PKHD1: variants seen among roughly 807,000 people sequenced by gnomAD.
The protein encoded by PKHD1 is PKHD1 ciliary IPT domain containing fibrocystin/polyductin, also known as fibrocystin.
Under a neutral mutation model 412.0 loss-of-function variants are expected in PKHD1, and 291 were observed. The ratio of observed to expected loss-of-function variants is 0.71; its 90% CI spans 0.64 to 0.78. The LOEUF (loss-of-function observed/expected upper bound fraction) is 0.78, where lower values mean the gene tolerates loss of function less well. Ranked by LOEUF, PKHD1 falls within the 30% of genes least tolerant of loss-of-function variation. The pLI is 0.00. For missense variants in PKHD1, 4,825 were observed against 4,950.7 expected (o/e 0.97, Z 0.76); for synonymous variants, 1,777 against 1,821.5 (o/e 0.98, Z 0.62).
chr6:51,816,888 T>A (rs1272875409), intron 52 of PKHD1, among the ~76,000 whole-genome samples: 1 of 152,226 alleles, frequency 6.6e-6, no homozygotes, highest in Non-Finnish European at 1.5e-5. Context: ...ATTTAATTTG[T>A]CTTAAGGTTT....
rs1326710528 is a variant in PKHD1 at position 51,747,889 on chromosome 6, T to C, written c.9727A>G (p.Ile3243Val). Residue 3243 changes from isoleucine (I) to valine (V), a missense_variant, in exon 58 of 67, where the codon ATT becomes GTT. Transcript: ENST00000371117. ...TCTGAGGTGAATACAGGCCACAGAA[T>C]ACCAATTCGACCTCCTCTTGGATTG... Reference protein sequence around the residue: ...PSNPRGGRIGILWPVFTSEPN... With the variant: ...PSNPRGGRIGVLWPVFTSEPN... 2 of 1,613,910 alleles carry C rather than the reference T, an allele frequency of 1.2e-6. No individual in the cohort carries two copies. Among genetic ancestry groups the C allele is most frequent in the Non-Finnish European group, 1.7e-6 (2 of 1,179,848 alleles).
intron 29 of PKHD1, 44 bp downstream of exon 29, chr6:52,032,986 A>G (rs375655552): frequency 1.3e-6 from 2 of 1,555,388 alleles, no homozygotes; most frequent in African/African-American, 2.7e-5. Context: ...TTATAGGACC[A>G]ATGCTCTAAG....
At chr6:52,039,987 T>C (rs1007859105) in intron 27 of PKHD1, among the ~76,000 whole-genome samples, 11 of 152,184 alleles carry the variant, frequency 7.2e-5, no homozygotes, top group Non-Finnish European at 1.3e-4. Flanking sequence ...TCATGCCAAG[T>C]AGAGAAGCCA....
At chr6:51,709,814 T>A in intron 60 of PKHD1, among the ~76,000 whole-genome samples, 1 of 151,958 alleles carries the variant, frequency 6.6e-6, no homozygotes. Context: ...ACACAGTAAG[T>A]TTTTTTGTGT....
Position 51,943,052 on chromosome 6 carries a change from C to A in PKHD1, c.5909-8730G>T, listed in dbSNP as rs141908326. On this transcript the variant is annotated intron_variant, in intron 36 of 66. Transcript: ENST00000371117. ...CAGGGTCTAAGAAGGCCACCACGGT[C>A]ATTTCTTCCCTTCTGTCAGACATAA... 9.9e-3 allele frequency among the ~76,000 whole-genome samples: 1,501 copies of A among 151,658 alleles called. 40 individuals carry two copies. The highest frequency in any genetic ancestry group is 0.034 in the African/African-American group (1,419 of 41,484).
chr6:51,770,741 C>G (rs1320207738), intron 55 of PKHD1, among the ~76,000 whole-genome samples: 1 of 151,594 alleles, frequency 6.6e-6, no homozygotes, highest in Non-Finnish European at 1.5e-5. Flanking sequence ...AACAAATTAA[C>G]TCATATTTAC....
At chr6:51,677,576 C>T (rs144963006) in intron 60 of PKHD1, among the ~76,000 whole-genome samples, 45 of 152,202 alleles carry the variant, frequency 3.0e-4, no homozygotes, top group African/African-American at 1.0e-3. Flanking sequence ...TCCATGAGGA[C>T]GCACTTCCAA....
At chr6:51,992,516 T>C (rs985515070) in intron 35 of PKHD1, among the ~76,000 whole-genome samples, 2 of 152,228 alleles carry the variant, frequency 1.3e-5, no homozygotes, top group African/African-American at 4.8e-5. Context: ...AGTATGAAGA[T>C]GAGTTTAAAC....
chr6:52,051,642 A>C (rs1806861995), intron 21 of PKHD1, among the ~76,000 whole-genome samples: 2 of 152,150 alleles, frequency 1.3e-5, no homozygotes, highest in Admixed American at 6.5e-5. Flanking sequence ...CAGTAAGAAA[A>C]AGTTCTGAAT....
chr6:51,990,236 T>C (rs1375345431), intron 35 of PKHD1, among the ~76,000 whole-genome samples: 1 of 151,996 alleles, frequency 6.6e-6, no homozygotes, highest in Non-Finnish European at 1.5e-5. Context: ...CTAGGGCTGA[T>C]AGTGGCATCA....
At chr6:51,802,074 C>T (rs1229252200) in intron 52 of PKHD1, among the ~76,000 whole-genome samples, 1 of 152,048 alleles carries the variant, frequency 6.6e-6, no homozygotes, top group African/African-American at 2.4e-5. Context: ...AGAATCTGTG[C>T]CTTCTCTCAT....
intron 22 of PKHD1, 85 bp downstream of exon 22, chr6:52,050,072 T>C: frequency 7.5e-7 from 1 of 1,329,814 alleles, no homozygotes; most frequent in Non-Finnish European, 1.1e-6. Context: ...CAGGTAGCTT[T>C]TCCTGAAAAA....
chr6:51,998,650 A>T (rs1250616846), intron 35 of PKHD1, among the ~76,000 whole-genome samples: 2 of 151,810 alleles, frequency 1.3e-5, no homozygotes, highest in African/African-American at 4.8e-5. Flanking sequence ...CCTGTTGTTT[A>T]TTTGTTTGTT....
At chr6:51,677,090 C>G (rs937672045) in intron 60 of PKHD1, among the ~76,000 whole-genome samples, 4 of 152,092 alleles carry the variant, frequency 2.6e-5, no homozygotes, top group Non-Finnish European at 5.9e-5. Context: ...TGCACATATA[C>G]ACACTGATAG....
At chr6:51,839,392 A>C (rs1010760391) in intron 50 of PKHD1, among the ~76,000 whole-genome samples, 1 of 152,204 alleles carries the variant, frequency 6.6e-6, no homozygotes, top group Non-Finnish European at 1.5e-5. Flanking sequence ...AGAAGATCTG[A>C]TGCTCAAAAA....
rs55992586 is a variant in PKHD1 at position 52,059,259 on chromosome 6, C to CTTTTTTTTTTTTTTTTTTT, written c.1233+650_1234-659dup. ...CTTTCTTTTTTTTCTTTTTCTTTTTCTTTTTTTTTTTTTTTTTTTTTTTTG... is the reference window on the plus strand; with the variant it reads ...CTTTCTTTTTTTTCTTTTTCTTTTTCTTTTTTTTTTTTTTTTTTTTTTTTTTTTTTTTTTTTTTTTTTTG... On this transcript the variant is annotated intron_variant, in intron 15 of 66. Transcript: ENST00000371117. Among the ~76,000 whole-genome samples the CTTTTTTTTTTTTTTTTTTT allele has an allele frequency of 7.1e-4, 59 of 83,514 alleles. 1 individual carries two copies. The highest frequency in any genetic ancestry group is 1.8e-3 in the African/African-American group (35 of 19,166). 54.8% of individuals were successfully genotyped at this position (83,514 alleles called of 152,430 possible).
chr6:51,870,370 T>C (rs1233520266), intron 47 of PKHD1, 134 bp downstream of exon 47: 1 of 819,734 alleles, frequency 1.2e-6, no homozygotes, highest in Non-Finnish European at 2.0e-6. Flanking sequence ...TTTAGGAGAT[T>C]TAAGCAACAG....
intron 60 of PKHD1, among the ~76,000 whole-genome samples, chr6:51,712,305 T>C (rs773994651): frequency 6.6e-6 from 1 of 152,124 alleles, no homozygotes; most frequent in African/African-American, 2.4e-5. Flanking sequence ...GTTTTGGAAT[T>C]CATTTTAAAA....
chr6:51,632,091 C>A (rs599182), intron 65 of PKHD1, among the ~76,000 whole-genome samples: 6 of 151,870 alleles, frequency 4.0e-5, no homozygotes, highest in African/African-American at 1.5e-4. Flanking sequence ...TTACAGGCAT[C>A]TGCCACCATG....
Sources: allele counts gnomAD v4.1 joint callset (sites outside exome capture counted in the v4.1 genomes callset), GRCh38; gene constraint gnomAD v4.1.1; transcripts MANE v1.5; gene names NCBI Gene and HGNC (gene_info 2026-07-23, HGNC 2026-07-21).